The following RAD51B variants were observed in gnomAD, a reference collection of about 807,000 sequenced individuals.
RAD51B encodes RAD51 paralog B, also known as DNA repair protein RAD51 homolog 2.
RAD51B carries 38 observed loss-of-function variants against 42.2 expected under a neutral mutation model. The ratio of observed to expected loss-of-function variants is 0.90; its 90% CI spans 0.70 to 1.18. The LOEUF (loss-of-function observed/expected upper bound fraction) is 1.18. RAD51B is among the 50% of genes most tolerant of loss of function. The pLI, the probability that RAD51B is intolerant of heterozygous loss-of-function variation, is 0.00. For missense variants in RAD51B, 373 were observed against 400.7 expected (o/e 0.93, Z 0.59); for synonymous variants, 154 against 145.2 (o/e 1.06, Z -0.43).
chr14:67,982,686 C>T (rs535718576), intron 7 of RAD51B, among the ~76,000 whole-genome samples: 1 of 152,044 alleles, frequency 6.6e-6, no homozygotes, highest in South Asian at 2.1e-4. Context: ...TCAATATTTT[C>T]CTTCTTTCAC....
chr14:68,025,757 C>T (rs2075945492), intron 7 of RAD51B, among the ~76,000 whole-genome samples: 1 of 151,788 alleles, frequency 6.6e-6, no homozygotes, highest in Non-Finnish European at 1.5e-5. Context: ...TGATCTCTCT[C>T]TTTTTTGTTA....
intron 8 of RAD51B, among the ~76,000 whole-genome samples, chr14:68,405,707 A>C (rs1380137218): frequency 6.6e-6 from 1 of 151,320 alleles, no homozygotes; most frequent in African/African-American, 2.4e-5. Context: ...TTTTTATACT[A>C]TTCTTATTGT....
chr14:68,608,256 G>A (rs540119378), intron 10 of RAD51B, among the ~76,000 whole-genome samples: 22 of 152,300 alleles, frequency 1.4e-4, no homozygotes, highest in Non-Finnish European at 2.8e-4. Flanking sequence ...AGCTCACCAG[G>A]GAGAGAAAGA....
chr14:68,471,035 T>C (rs2086110538), intron 10 of RAD51B, among the ~76,000 whole-genome samples: 1 of 152,182 alleles, frequency 6.6e-6, no homozygotes, highest in Admixed American at 6.5e-5. Context: ...GGTGGAAAAC[T>C]TGGAAAGGTA....
At chr14:68,537,450 G>C (rs1887701457) in intron 10 of RAD51B, among the ~76,000 whole-genome samples, 1 of 150,820 alleles carries the variant, frequency 6.6e-6, no homozygotes, top group Non-Finnish European at 1.5e-5. Context: ...AGTGAGCCGA[G>C]ATCGCGCCAC....
chr14:68,513,988 T>C (rs905350553), intron 10 of RAD51B, among the ~76,000 whole-genome samples: 12 of 152,206 alleles, frequency 7.9e-5, no homozygotes, highest in Non-Finnish European at 1.6e-4. Flanking sequence ...CCACGAGAAC[T>C]GAACAAGTTA....
intron 10 of RAD51B, among the ~76,000 whole-genome samples, chr14:68,590,385 C>A (rs937143890): frequency 7.8e-6 from 1 of 128,994 alleles, no homozygotes; most frequent in Non-Finnish European, 1.7e-5. Context: ...TCTGGCCACC[C>A]CTTGGATCTA....
chr14:68,153,245 C>T (rs1417337345), intron 7 of RAD51B, among the ~76,000 whole-genome samples: 2 of 152,090 alleles, frequency 1.3e-5, no homozygotes, highest in Admixed American at 1.3e-4. Flanking sequence ...AAATCCCACA[C>T]TCGATTTTGT....
chr14:68,412,315 G>A lies in RAD51B; in HGVS notation c.957+788G>A, dbSNP rs916007611. On this transcript the variant is annotated intron_variant, in intron 9 of 10. Transcript: ENST00000471583. ...TTTCTCCTAAAAGCAGGAGGAAGAAGACGGGTGATTATTTTGATTTTTTGG... is the reference window on the plus strand; with the variant it reads ...TTTCTCCTAAAAGCAGGAGGAAGAAAACGGGTGATTATTTTGATTTTTTGG... Among the ~76,000 whole-genome samples the A allele has an allele frequency of 5.4e-4, 82 of 152,332 alleles. 1 individual carries two copies. The highest frequency in any genetic ancestry group is 1.9e-3 in the African/African-American group (81 of 41,580).
rs78752010 is a variant in RAD51B, at chr14:67,991,283, A to G, written c.756+104079A>G. 6.1e-3 allele frequency among the ~76,000 whole-genome samples: 924 copies of G among 152,334 alleles called. 7 individuals are homozygous for G. The highest frequency in any genetic ancestry group is 0.02 in the Middle Eastern group (6 of 294). Reference sequence around the variant, plus strand: ...GCTGGTGAATCTGAATTGAATCCTTAGTAAAGTTTCATATTAGGTGATTTA... The same window carrying G: ...GCTGGTGAATCTGAATTGAATCCTTGGTAAAGTTTCATATTAGGTGATTTA... On this transcript the variant is annotated intron_variant, in intron 7 of 10. Coordinates refer to ENST00000471583, the MANE Select transcript of RAD51B (RefSeq NM_133510.4).
intron 11 of RAD51B, among the ~76,000 whole-genome samples, chr14:68,664,636 C>T (rs558820610): frequency 3.7e-4 from 57 of 152,290 alleles, no homozygotes; most frequent in African/African-American, 1.3e-3. Flanking sequence ...CCCCGGGATA[C>T]CTATTTGCTG....
chr14:68,435,909 T>C (rs2085137758), intron 9 of RAD51B, among the ~76,000 whole-genome samples: 1 of 152,238 alleles, frequency 6.6e-6, no homozygotes, highest in East Asian at 1.9e-4. Flanking sequence ...AAGTTCCTTA[T>C]AGATTCTGGA....
chr14:68,560,461 C>T (rs1055004258), intron 10 of RAD51B, among the ~76,000 whole-genome samples: 3 of 152,106 alleles, frequency 2.0e-5, no homozygotes, highest in African/African-American at 4.8e-5. Flanking sequence ...CAGAGCTGGG[C>T]GCGGTGGCTC....
intron 10 of RAD51B, among the ~76,000 whole-genome samples, chr14:68,525,292 T>C (rs2140338116): frequency 6.6e-6 from 1 of 152,372 alleles, no homozygotes; most frequent in Middle Eastern, 3.4e-3. Flanking sequence ...GCCTTCCAGA[T>C]GTCTTAATTT....
At chr14:67,982,769 G>A (rs2075119397) in intron 7 of RAD51B, among the ~76,000 whole-genome samples, 1 of 148,628 alleles carries the variant, frequency 6.7e-6, no homozygotes, top group Non-Finnish European at 1.5e-5. Flanking sequence ...ACTAAACAGG[G>A]AGTGAAGGTC....
intron 7 of RAD51B, among the ~76,000 whole-genome samples, chr14:68,174,276 C>G (rs1362309620): frequency 6.6e-6 from 1 of 151,748 alleles, no homozygotes; most frequent in Non-Finnish European, 1.5e-5. Flanking sequence ...GTGCCAGCTA[C>G]TCAGGTGGGA....
chr14:68,170,142 C>T (rs998171162), intron 7 of RAD51B, among the ~76,000 whole-genome samples: 1 of 152,136 alleles, frequency 6.6e-6, no homozygotes, highest in Non-Finnish European at 1.5e-5. Flanking sequence ...ATTCACTCTC[C>T]AGTGTAGGAG....
intron 10 of RAD51B, among the ~76,000 whole-genome samples, chr14:68,564,180 C>A (rs1438923970): frequency 6.6e-6 from 1 of 152,192 alleles, no homozygotes; most frequent in Non-Finnish European, 1.5e-5. Context: ...TGCGCTGGAT[C>A]CTTTAAACCT....
intron 5 of RAD51B, among the ~76,000 whole-genome samples, chr14:67,880,632 T>G (rs1472706083): frequency 1.3e-5 from 2 of 152,218 alleles, no homozygotes; most frequent in Non-Finnish European, 2.9e-5. Context: ...TTTTTATCCA[T>G]GAATGCCATC....
Sources: allele counts gnomAD v4.1 joint callset (sites outside exome capture counted in the v4.1 genomes callset), GRCh38; gene constraint gnomAD v4.1.1; transcripts MANE v1.5; gene names NCBI Gene and HGNC (gene_info 2026-07-23, HGNC 2026-07-21).